Variants in ANKRD18B observed in about 807,000 individuals in gnomAD.
ANKRD18B encodes ankyrin repeat domain 18B.
A neutral mutation model predicts 111.8 loss-of-function variants in ANKRD18B; 75 were observed. The observed-to-expected ratio is 0.67, with a 90% CI of 0.56 to 0.81. The LOEUF is 0.81. Ranked by LOEUF, ANKRD18B falls within the 40% of genes least tolerant of loss-of-function variation. The probability of loss-of-function intolerance (pLI) is 0.00; values close to 1 mark genes in which losing one functional copy is unlikely to be tolerated. For missense variants in ANKRD18B, 1,038 were observed against 1,225.5 expected (o/e 0.85, Z 2.28); for synonymous variants, 356 against 417.3 (o/e 0.85, Z 1.79).
At chr9:33,564,710 T>G (rs926410444) in intron 14 of ANKRD18B, among the ~76,000 whole-genome samples, 2 of 152,196 alleles carry the variant, frequency 1.3e-5, no homozygotes, top group South Asian at 2.1e-4. Flanking sequence ...GCACTTTTTT[T>G]TGTGTTTTCT....
At chr9:33,564,077 G>A (rs987236909) in intron 14 of ANKRD18B, among the ~76,000 whole-genome samples, 12 of 152,108 alleles carry the variant, frequency 7.9e-5, no homozygotes, top group African/African-American at 2.2e-4. Flanking sequence ...GTCATCCTCC[G>A]ACCTCACCCT....
intron 3 of ANKRD18B, among the ~76,000 whole-genome samples, chr9:33,530,738 G>A (rs1828102054): frequency 6.6e-6 from 1 of 152,132 alleles, no homozygotes; most frequent in South Asian, 2.1e-4. Flanking sequence ...TTGTGACTGG[G>A]AAGTGAAAGG....
At chr9:33,567,793 A>G (rs527255822) in intron 16 of ANKRD18B, among the ~76,000 whole-genome samples, 44 of 152,344 alleles carry the variant, frequency 2.9e-4, no homozygotes, top group African/African-American at 1.0e-3. Context: ...TGTTATCACT[A>G]GAGGGTACCT....
intron 1 of ANKRD18B, among the ~76,000 whole-genome samples, chr9:33,528,062 G>A (rs1307406773): frequency 6.6e-6 from 1 of 152,202 alleles, no homozygotes; most frequent in African/African-American, 2.4e-5. Context: ...ACTTTGGAAG[G>A]CTGAGGTGGG....
In ANKRD18B at chr9:33,568,715, A is replaced by G; in HGVS notation, c.2999A>G (p.Glu1000Gly). 2 of 1,551,172 alleles carry G rather than the reference A, an allele frequency of 1.3e-6. No individual in the cohort carries two copies. Among genetic ancestry groups the G allele is most frequent in the Non-Finnish European group, 8.7e-7 (1 of 1,146,666 alleles). ...GTGATCAGCACCAAGCTCTTTATGG[A>G]GAAAGAGCGGATGGAATATTTTCTC... Reference protein sequence around the residue: ...IAVISTKLFMEKERMEYFLST... With the variant: ...IAVISTKLFMGKERMEYFLST... The change falls in exon 17 of 19, where the codon GAG becomes GGG. Residue 1000 changes from glutamate (E) to glycine (G), a missense_variant. By Grantham distance (98) the Glu-to-Gly change is moderately conservative (BLOSUM62 -2). This residue lies in a region of ANKRD18B where 524 missense variants were observed against 677.9 expected (regional missense o/e 0.77). Coordinates refer to ENST00000684830, the MANE Select transcript of ANKRD18B (RefSeq NM_001393611.1).
chr9:33,530,005 A>G (rs1250928449), intron 3 of ANKRD18B, among the ~76,000 whole-genome samples: 1 of 152,228 alleles, frequency 6.6e-6, no homozygotes, highest in Admixed American at 6.5e-5. Context: ...GCTTATAAAT[A>G]GCAAAATCAA....
At chr9:33,572,258 C>T in intron 18 of ANKRD18B, 58 bp from the exon 19 acceptor site, 2 of 1,356,616 alleles carry the variant, frequency 1.5e-6, no homozygotes, top group South Asian at 1.2e-5. Flanking sequence ...TTTAAACTTA[C>T]ACTTCGTTAA....
Position 33,550,553 on chromosome 9 carries a change from A to G in ANKRD18B, c.2191A>G (p.Lys731Glu). 2 of 1,536,770 alleles carry G rather than the reference A, an allele frequency of 1.3e-6. No individual in the cohort carries two copies. Among genetic ancestry groups the G allele is most frequent in the Non-Finnish European group, 1.8e-6 (2 of 1,142,076 alleles). The change falls in exon 12 of 19, where the codon AAG becomes GAG. Residue 731 changes from lysine to glutamate, a missense_variant. Lys to Glu is a moderately conservative substitution (Grantham distance 56). Coordinates refer to ENST00000684830, the MANE Select transcript of ANKRD18B (RefSeq NM_001393611.1). ...TTTGGATGAGACATGGACTTCAAAG[A>G]AGAAATTATTTCAAGTAGAAATTCA... The part of the protein sequence containing the change: ...INLDETWTSK[K>E]KLFQVEIQPE...
intron 11 of ANKRD18B, among the ~76,000 whole-genome samples, chr9:33,549,551 C>T (rs1258589864): frequency 6.6e-6 from 1 of 152,162 alleles, no homozygotes; most frequent in African/African-American, 2.4e-5. Context: ...CGCTTTGACA[C>T]TTAGATTTTC....
chr9:33,560,003 G>A (rs1276939292), intron 14 of ANKRD18B, among the ~76,000 whole-genome samples: 3 of 152,040 alleles, frequency 2.0e-5, no homozygotes, highest in Non-Finnish European at 4.4e-5. Context: ...CACCTTCTTC[G>A]TATAGATTTG....
At chr9:33,575,164 T>C (rs200028804), downstream of ANKRD18B, among the ~76,000 whole-genome samples, 1,458 of 125,090 alleles carry the variant, frequency 0.012, no homozygotes, top group East Asian at 0.036. Context: ...CATTCATCCT[T>C]GCAGCAATTC....
chr9:33,572,455 C>G lies in ANKRD18B; in HGVS notation c.*21C>G, dbSNP rs1043536846. 1.7e-5 allele frequency: 25 copies of G among 1,488,332 alleles called. No homozygotes were observed. The African/African-American group carries it at 3.4e-4, about 20-fold the overall frequency. 92.2% of individuals were successfully genotyped at this position (1,488,332 alleles called of 1,614,324 possible). A position where few individuals can be genotyped will look rare whatever the true frequency, so the allele number is the denominator to read the frequency against. ...TTTAAAAGATCATAAAACTTTATTACTGGGCTATTTACATGAAATTTTAAT... is the reference window on the plus strand; with the variant it reads ...TTTAAAAGATCATAAAACTTTATTAGTGGGCTATTTACATGAAATTTTAAT... On this transcript the variant is annotated 3_prime_UTR_variant, in exon 19 of 19. Transcript: ENST00000684830.
chr9:33,570,818 A>C (rs1211718111), intron 17 of ANKRD18B, among the ~76,000 whole-genome samples: 1 of 151,918 alleles, frequency 6.6e-6, no homozygotes, highest in Admixed American at 6.6e-5. Flanking sequence ...TTGTATTTTT[A>C]GTAGAGATAG....
chr9:33,532,319 T>C (rs1280731712), intron 3 of ANKRD18B, among the ~76,000 whole-genome samples: 1 of 152,204 alleles, frequency 6.6e-6, no homozygotes, highest in Admixed American at 6.5e-5. Context: ...AGAACTTTTT[T>C]TGATAAGCCA....
rs560786588 is a variant in ANKRD18B, at chr9:33,554,043, G to T, written c.2218-1665G>T. On this transcript the variant is annotated intron_variant, in intron 12 of 18. Transcript: ENST00000684830. Reference sequence around the variant, plus strand: ...GCCGACATGGCACCACTGCACTCTAGCCTGGATGACAGAGTGTGACTCCAT... The same window carrying T: ...GCCGACATGGCACCACTGCACTCTATCCTGGATGACAGAGTGTGACTCCAT... Among the ~76,000 whole-genome samples, 356 of 150,762 alleles carry T rather than the reference G, an allele frequency of 2.4e-3. 3 individuals carry two copies. Among genetic ancestry groups the T allele is most frequent in the South Asian group, 1.9e-3 (9 of 4,754 alleles).
At chr9:33,569,531 A>G (rs1408929294) in intron 17 of ANKRD18B, among the ~76,000 whole-genome samples, 1 of 152,018 alleles carries the variant, frequency 6.6e-6, no homozygotes, top group Non-Finnish European at 1.5e-5. Flanking sequence ...AAGTGCTGGG[A>G]TTACAGGGGT....
In ANKRD18B at chr9:33,524,702, G is replaced by T. The variant is rs1232951897; in HGVS notation, c.206+7G>T. 16 of 1,548,544 alleles carry T rather than the reference G, an allele frequency of 1.0e-5. No homozygotes were observed. The highest frequency in any genetic ancestry group is 1.4e-5 in the Non-Finnish European group (16 of 1,146,040). On this transcript the variant is annotated splice_region_variant and intron_variant, in intron 1 of 18. Coordinates refer to ENST00000684830, the MANE Select transcript of ANKRD18B (RefSeq NM_001393611.1). ...TCCGCGACAGAAAAGACAGGTAGCG[G>T]GGGCTCAGCCCTCGGTGGGAGGGGG...
At chr9:33,538,479 G>A (rs1828232195) in intron 6 of ANKRD18B, among the ~76,000 whole-genome samples, 1 of 152,160 alleles carries the variant, frequency 6.6e-6, no homozygotes, top group Non-Finnish European at 1.5e-5. Flanking sequence ...TGGCTCATGT[G>A]TAATCCCAGC....
chr9:33,534,840 T>TC (rs1828172907), intron 5 of ANKRD18B, among the ~76,000 whole-genome samples: 2 of 150,418 alleles, frequency 1.3e-5, no homozygotes, highest in African/African-American at 4.9e-5. Flanking sequence ...TTTTTTTTTT[T>TC]TTTTGAGACA....
Sources: gnomAD v4.1 joint callset for allele counts (sites outside exome capture counted in the v4.1 genomes callset) on GRCh38, gnomAD v4.1.1 for gene constraint, gnomAD v4.1.1 regional missense constraint, MANE v1.5 for transcripts, NCBI Gene and HGNC (gene_info 2026-07-23, HGNC 2026-07-21) for gene names.